PHLPP1: variants seen among roughly 807,000 people sequenced by gnomAD.
PHLPP1 encodes PH domain and leucine rich repeat protein phosphatase 1.
Under a neutral mutation model 117.2 loss-of-function variants are expected in PHLPP1, and 42 were observed. The observed-to-expected ratio is 0.36, with a 90% CI of 0.28 to 0.46. The LOEUF is 0.46. PHLPP1 is among the 20% of genes least tolerant of loss of function. PHLPP1 has a pLI of 1.00. For missense variants in PHLPP1, 2,084 were observed against 2,241.9 expected, an observed-to-expected ratio of 0.93 and a Z score of 1.42; for synonymous variants, 1,042 against 970.7, an observed-to-expected ratio of 1.07 and a Z score of -1.37.
intron 1 of PHLPP1, among the ~76,000 whole-genome samples, chr18:62,822,431 G>T (rs868866516): frequency 6.6e-6 from 1 of 151,524 alleles, no homozygotes; most frequent in Non-Finnish European, 1.5e-5. Flanking sequence ...GCAGACACCC[G>T]CCACCACGCC....
At chr18:62,878,403 C>CA (rs1267058326) in intron 4 of PHLPP1, among the ~76,000 whole-genome samples, 1 of 152,206 alleles carries the variant, frequency 6.6e-6, no homozygotes, top group African/African-American at 2.4e-5. Flanking sequence ...GTCAAATAAA[C>CA]ACATCTAATT....
intron 1 of PHLPP1, among the ~76,000 whole-genome samples, chr18:62,791,216 G>T (rs1913446996): frequency 6.6e-6 from 1 of 152,102 alleles, no homozygotes; most frequent in South Asian, 2.1e-4. Flanking sequence ...TTGAAAACAA[G>T]CTGTTCAGAT....
chr18:62,736,052 G>A (rs1911360279), intron 1 of PHLPP1, among the ~76,000 whole-genome samples: 1 of 152,172 alleles, frequency 6.6e-6, no homozygotes, highest in East Asian at 1.9e-4. Context: ...AGATGGCCTG[G>A]AATCTTTGCA....
chr18:62,906,648 G>C (rs1916857645), intron 8 of PHLPP1, among the ~76,000 whole-genome samples: 1 of 28,808 alleles, frequency 3.5e-5, no homozygotes, highest in Non-Finnish European at 7.5e-5. Context: ...CTGGCTCAGA[G>C]GGTCCTACGC....
At position 62,972,494 on chromosome 18, in the gene PHLPP1, G is replaced by A; in HGVS notation, c.3561-20G>A. 6.2e-7 allele frequency: 1 copy of A among 1,609,478 alleles called. No homozygotes were observed. Among genetic ancestry groups the A allele is most frequent in the Non-Finnish European group, 8.5e-7 (1 of 1,178,056 alleles). Reference sequence around the variant, plus strand: ...CAGGAGGATGAGTGGACTCAGCACAGAAGTGTGGTTGCCTTGCAGGTTGTG... The same window carrying A: ...CAGGAGGATGAGTGGACTCAGCACAAAAGTGTGGTTGCCTTGCAGGTTGTG... On this transcript the variant is annotated intron_variant, in intron 14 of 16. Transcript: ENST00000262719.
chr18:62,758,540 A>T (rs891837040), intron 1 of PHLPP1, among the ~76,000 whole-genome samples: 2 of 132,996 alleles, frequency 1.5e-5, no homozygotes, highest in Admixed American at 7.2e-5. Context: ...GCAAGCAAAT[A>T]AAAAAAATTT....
chr18:62,970,801 G>A (rs147359400), intron 14 of PHLPP1, among the ~76,000 whole-genome samples: 1 of 152,154 alleles, frequency 6.6e-6, no homozygotes, highest in Non-Finnish European at 1.5e-5. Context: ...AAATGTTTCT[G>A]TTCACTCACC....
chr18:62,771,717 A>G (rs1912785197), intron 1 of PHLPP1, among the ~76,000 whole-genome samples: 1 of 152,230 alleles, frequency 6.6e-6, no homozygotes, highest in African/African-American at 2.4e-5. Flanking sequence ...CTCTAGAGTC[A>G]TCTGCGTCGT....
chr18:62,757,673 T>C lies in PHLPP1; in HGVS notation c.1576+40414T>C, dbSNP rs371750957. On this transcript the variant is annotated intron_variant, in intron 1 of 16. Coordinates refer to ENST00000262719, the MANE Select transcript of PHLPP1 (RefSeq NM_194449.4). The stretch of plus-strand genomic sequence containing the variant: ...CTATAAACACATGTAGTTTTTCTTC[T>C]CTAAATTCTTTAGCAAGACACCTGT... Among the ~76,000 whole-genome samples, 6 of 152,358 alleles carry C rather than the reference T, an allele frequency of 3.9e-5. No individual in the cohort carries two copies. The East Asian group carries it at 1.2e-3, about 29-fold the overall frequency.
At chr18:62,823,537 C>T (rs1914525599) in intron 1 of PHLPP1, among the ~76,000 whole-genome samples, 1 of 151,266 alleles carries the variant, frequency 6.6e-6, no homozygotes, top group South Asian at 2.1e-4. Context: ...TGCACTCCAG[C>T]CTGGGCAACA....
intron 10 of PHLPP1, among the ~76,000 whole-genome samples, chr18:62,940,628 T>C (rs1399400238): frequency 6.6e-6 from 1 of 152,180 alleles, no homozygotes; most frequent in Admixed American, 6.5e-5. Context: ...CCTCCCAAAG[T>C]GCTGGGATTA....
At chr18:62,868,207 A>T (rs1376401826) in intron 4 of PHLPP1, among the ~76,000 whole-genome samples, 1 of 152,126 alleles carries the variant, frequency 6.6e-6, no homozygotes, top group Non-Finnish European at 1.5e-5. Flanking sequence ...ATATTTTGAC[A>T]CTTAAGTAAT....
chr18:62,867,465 C>T (rs562962951), intron 4 of PHLPP1, among the ~76,000 whole-genome samples: 2 of 152,314 alleles, frequency 1.3e-5, no homozygotes, highest in South Asian at 4.1e-4. Flanking sequence ...GGAACTTATT[C>T]ACAGCTAAGG....
intron 12 of PHLPP1, among the ~76,000 whole-genome samples, chr18:62,952,392 T>C (rs1910489076): frequency 6.6e-6 from 1 of 152,216 alleles, no homozygotes. Flanking sequence ...ACAAACAGAA[T>C]GCTAAGGATT....
At chr18:62,958,924 T>C (rs1000347290) in intron 13 of PHLPP1, among the ~76,000 whole-genome samples, 165 bp downstream of exon 13, 2 of 152,220 alleles carry the variant, frequency 1.3e-5, no homozygotes, top group African/African-American at 2.4e-5. Flanking sequence ...ACAACCAAGA[T>C]GTAACTTAAA....
chr18:62,896,395 C>T (rs1225040218), intron 6 of PHLPP1, among the ~76,000 whole-genome samples: 1 of 151,520 alleles, frequency 6.6e-6, no homozygotes, highest in Non-Finnish European at 1.5e-5. Context: ...AGGTTCATGC[C>T]ATTCTCCTGT....
chr18:62,881,107 T>G (rs1374658614), intron 4 of PHLPP1, among the ~76,000 whole-genome samples: 2 of 152,324 alleles, frequency 1.3e-5, no homozygotes, highest in South Asian at 4.2e-4. Context: ...GTTTTCTCTT[T>G]AGGGCTGGTT....
chr18:62,879,395 A>G (rs1467374771), intron 4 of PHLPP1, among the ~76,000 whole-genome samples: 1 of 150,516 alleles, frequency 6.6e-6, no homozygotes, highest in African/African-American at 2.5e-5. Flanking sequence ...ACCCAATGGT[A>G]TTCTGGATAT....
At chr18:62,806,906 A>T (rs1461965784) in intron 1 of PHLPP1, among the ~76,000 whole-genome samples, 1 of 152,188 alleles carries the variant, frequency 6.6e-6, no homozygotes, top group Admixed American at 6.5e-5. Context: ...CTATTTGAGG[A>T]AATTCCAAGA....
Sources: allele counts gnomAD v4.1 joint callset (sites outside exome capture counted in the v4.1 genomes callset), GRCh38; gene constraint gnomAD v4.1.1; transcripts MANE v1.5; gene names NCBI Gene and HGNC (gene_info 2026-07-23, HGNC 2026-07-21).